RPGRIP1L: variants seen among roughly 807,000 people sequenced by gnomAD.
The protein encoded by RPGRIP1L is protein fantom.
RPGRIP1L carries 131 observed loss-of-function variants against 160.4 expected under a neutral mutation model. That is an observed-to-expected ratio of 0.82 (90% CI 0.71 to 0.94). RPGRIP1L has a LOEUF of 0.94. Among genes scored for constraint, RPGRIP1L ranks in the 40% least tolerant of loss-of-function variants. RPGRIP1L has a pLI of 0.00. For missense variants in RPGRIP1L, 1,522 were observed against 1,535.8 expected, an observed-to-expected ratio of 0.99 and a Z score of 0.15; for synonymous variants, 510 against 515.8, an observed-to-expected ratio of 0.99 and a Z score of 0.15.
chr16:53,620,230 A>C (rs2075682739), intron 23 of RPGRIP1L, among the ~76,000 whole-genome samples: 1 of 152,226 alleles, frequency 6.6e-6, no homozygotes. Flanking sequence ...ATATAATATA[A>C]TTAATCAAAT....
At chr16:53,664,035 C>T (rs1033495901) in intron 10 of RPGRIP1L, among the ~76,000 whole-genome samples, 1 of 152,134 alleles carries the variant, frequency 6.6e-6, no homozygotes, top group African/African-American at 2.4e-5. Context: ...TCTCATGCAA[C>T]TGAATTGCAA....
intron 16 of RPGRIP1L, among the ~76,000 whole-genome samples, chr16:53,648,626 G>GCGCACACA (rs1555602385): frequency 0.017 from 2,405 of 144,032 alleles, 46 homozygotes; most frequent in Middle Eastern, 0.021. Flanking sequence ...GCGCGCGCGC[G>GCGCACACA]CACACACACA....
chr16:53,657,623 CT>C lies in RPGRIP1L; in HGVS notation c.1410del (p.Glu471AsnfsTer10). 6.4e-7 allele frequency: 1 copy of C among 1,562,706 alleles called. No homozygotes were observed. The highest frequency in any genetic ancestry group is 8.7e-7 in the Non-Finnish European group (1 of 1,147,512). On this transcript the variant is annotated frameshift_variant, in exon 13 of 27. Coordinates refer to ENST00000647211, the MANE Select transcript of RPGRIP1L (RefSeq NM_015272.5). LOFTEE classifies it high-confidence loss of function. ...AAGGAAAGGTCTCCATTTTTTTGTTCTTTTTGAGCCTAAAATAAAAAACATG... is the reference window on the plus strand; with the variant it reads ...AAGGAAAGGTCTCCATTTTTTTGTTCTTTTGAGCCTAAAATAAAAAACATG... ...SEALLLIKAQ[K>X]EQKNGDLSFL...
At chr16:53,663,860 G>A (rs1328321776) in intron 10 of RPGRIP1L, among the ~76,000 whole-genome samples, 1 of 152,096 alleles carries the variant, frequency 6.6e-6, no homozygotes, top group Non-Finnish European at 1.5e-5. Context: ...ATTTAAAAAT[G>A]CCATCACTTA....
chr16:53,657,894 T>A (rs559546525), intron 12 of RPGRIP1L, among the ~76,000 whole-genome samples: 2 of 152,158 alleles, frequency 1.3e-5, no homozygotes, highest in Non-Finnish European at 2.9e-5. Flanking sequence ...ATAGTTACTT[T>A]ATGACATATA....
chr16:53,606,200 C>G (rs1963673536), intron 25 of RPGRIP1L, among the ~76,000 whole-genome samples: 1 of 152,218 alleles, frequency 6.6e-6, no homozygotes, highest in Non-Finnish European at 1.5e-5. Context: ...AACTTACAAT[C>G]ATAGCATCCA....
chr16:53,640,531 C>T (rs1435939246), intron 19 of RPGRIP1L, among the ~76,000 whole-genome samples: 1 of 151,990 alleles, frequency 6.6e-6, no homozygotes, highest in East Asian at 1.9e-4. Context: ...AGAAGTATAA[C>T]AGTAAAGTTG....
intron 8 of RPGRIP1L, among the ~76,000 whole-genome samples, chr16:53,672,316 G>A (rs1968800679): frequency 6.6e-6 from 1 of 151,184 alleles, no homozygotes; most frequent in South Asian, 2.1e-4. Context: ...ATGCTAGTAT[G>A]AGACAGTAAA....
intron 25 of RPGRIP1L, among the ~76,000 whole-genome samples, chr16:53,609,780 G>C (rs1567792358): frequency 6.6e-6 from 1 of 152,128 alleles, no homozygotes; most frequent in Non-Finnish European, 1.5e-5. Flanking sequence ...GCTGAAGCAA[G>C]TCAAACCTGA....
intron 15 of RPGRIP1L, among the ~76,000 whole-genome samples, chr16:53,650,009 C>CT (rs1048295408): frequency 6.6e-6 from 1 of 152,182 alleles, no homozygotes; most frequent in Non-Finnish European, 1.5e-5. Flanking sequence ...CTCTCTCCTA[C>CT]TTTATCAATT....
At chr16:53,623,501 C>T (rs1964876008) in intron 22 of RPGRIP1L, among the ~76,000 whole-genome samples, 1 of 152,210 alleles carries the variant, frequency 6.6e-6, no homozygotes, top group South Asian at 2.1e-4. Flanking sequence ...GAAAATATTC[C>T]TATTGCCTTA....
chr16:53,699,873 A>G (rs1389494827), intron 2 of RPGRIP1L, among the ~76,000 whole-genome samples: 1 of 152,120 alleles, frequency 6.6e-6, no homozygotes, highest in African/African-American at 2.4e-5. Flanking sequence ...CTTTTTCAAT[A>G]AACAATACAT....
chr16:53,611,191 C>T, intron 24 of RPGRIP1L, 140 bp from the exon 25 acceptor site: 1 of 671,300 alleles, frequency 1.5e-6, no homozygotes, highest in East Asian at 2.7e-5. Context: ...GAAAAGAAAA[C>T]AGCTCCAGAA....
intron 9 of RPGRIP1L, among the ~76,000 whole-genome samples, chr16:53,666,483 T>C (rs893741943): frequency 7.2e-5 from 11 of 151,938 alleles, no homozygotes; most frequent in African/African-American, 2.7e-4. Flanking sequence ...GTTTTTAAAA[T>C]AAAGAACAAA....
intron 6 of RPGRIP1L, among the ~76,000 whole-genome samples, chr16:53,679,841 G>T (rs573603622): frequency 6.6e-6 from 1 of 152,270 alleles, no homozygotes; most frequent in African/African-American, 2.4e-5. Context: ...GTTGTTTAAA[G>T]GCAGGGAATC....
chr16:53,665,801 C>G (rs1173089930), intron 9 of RPGRIP1L, among the ~76,000 whole-genome samples: 1 of 152,098 alleles, frequency 6.6e-6, no homozygotes, highest in Non-Finnish European at 1.5e-5. Flanking sequence ...GCCAGTGGTT[C>G]CTAAACGCTG....
chr16:53,678,059 A>G (rs1299708305), intron 6 of RPGRIP1L, among the ~76,000 whole-genome samples: 2 of 152,134 alleles, frequency 1.3e-5, no homozygotes, highest in Non-Finnish European at 2.9e-5. Context: ...GTAAAAATAA[A>G]TTTCTCAAAA....
intron 22 of RPGRIP1L, among the ~76,000 whole-genome samples, chr16:53,626,454 T>G (rs1965185923): frequency 6.6e-6 from 1 of 152,278 alleles, no homozygotes; most frequent in Admixed American, 6.5e-5. Flanking sequence ...TTTTTTCTTG[T>G]TCACCAATTA....
At position 53,657,604 on chromosome 16, in the gene RPGRIP1L, A is replaced by G. The variant is rs762123566; in HGVS notation, c.1430T>C (p.Leu477Pro). 1.3e-5 allele frequency: 21 copies of G among 1,594,580 alleles called. No homozygotes were observed. The highest frequency in any genetic ancestry group is 1.6e-5 in the Non-Finnish European group (19 of 1,168,170). Residue 477 changes from leucine to proline, a missense_variant, in exon 13 of 27, where the codon CTT becomes CCT. Coordinates refer to ENST00000647211, the MANE Select transcript of RPGRIP1L (RefSeq NM_015272.5). The stretch of plus-strand genomic sequence containing the variant: ...ACTATCTACTTTCACTAAAAAGGAA[A>G]GGTCTCCATTTTTTTGTTCTTTTTG... Reference protein sequence around the residue: ...KAQKEQKNGDLSFLVKVDSEI... With the variant: ...KAQKEQKNGDPSFLVKVDSEI...
Sources: allele counts gnomAD v4.1 joint callset (sites outside exome capture counted in the v4.1 genomes callset), GRCh38; gene constraint gnomAD v4.1.1; transcripts MANE v1.5; gene names NCBI Gene and HGNC (gene_info 2026-07-23, HGNC 2026-07-21).